Variants in SIL1 observed in about 807,000 individuals in gnomAD.
SIL1 encodes the protein nucleotide exchange factor SIL1.
A neutral mutation model predicts 49.1 loss-of-function variants in SIL1; 40 were observed. The observed-to-expected ratio is 0.81, with a 90% confidence interval of 0.63 to 1.06. SIL1 has a LOEUF of 1.06. Ranked by LOEUF, SIL1 falls within the 50% of genes least tolerant of loss-of-function variation. SIL1 has a pLI of 0.00. For synonymous variants in SIL1, 253 were observed against 250.8 expected, an observed-to-expected ratio of 1.01 and a Z score of -0.08; for missense variants, 500 against 572.6, an observed-to-expected ratio of 0.87 and a Z score of 1.29.
chr5:138,994,915 T>A (rs1011790555), intron 7 of SIL1, among the ~76,000 whole-genome samples: 3 of 152,196 alleles, frequency 2.0e-5, no homozygotes, highest in Non-Finnish European at 2.9e-5. Context: ...CCTGTGTCCA[T>A]GTGTTCTCAT....
intron 7 of SIL1, among the ~76,000 whole-genome samples, chr5:138,956,758 ATACAAT>A (rs1450843056): frequency 6.6e-6 from 1 of 151,110 alleles, no homozygotes; most frequent in Non-Finnish European, 1.5e-5. Flanking sequence ...AAAAAAAAAG[ATACAAT>A]TACCGAATTG....
intron 7 of SIL1, among the ~76,000 whole-genome samples, chr5:138,977,623 G>C (rs542448766): frequency 6.6e-6 from 1 of 152,266 alleles, no homozygotes; most frequent in South Asian, 2.1e-4. Context: ...TTACAGGTGT[G>C]AGCCACTGAG....
intron 1 of SIL1, among the ~76,000 whole-genome samples, chr5:139,188,939 A>G (rs1186782193): frequency 2.0e-5 from 3 of 152,222 alleles, no homozygotes; most frequent in Non-Finnish European, 1.5e-5. Flanking sequence ...ATGGCAGAGA[A>G]GCAGCAAAGT....
chr5:139,185,381 C>T (rs34679278), intron 1 of SIL1, among the ~76,000 whole-genome samples: 53,280 of 152,030 alleles, frequency 0.35, 11,660 homozygotes, highest in South Asian at 0.51. Flanking sequence ...GTATAGCTCA[C>T]ATTTATCTCA....
chr5:138,958,833 G>A (rs10054906), intron 7 of SIL1, among the ~76,000 whole-genome samples: 17,018 of 151,872 alleles, frequency 0.11, 3,073 homozygotes, highest in African/African-American at 0.38. Context: ...TCAAACTCCT[G>A]TCTTTATTTT....
intron 7 of SIL1, among the ~76,000 whole-genome samples, chr5:138,985,433 C>A (rs185483552): frequency 6.6e-6 from 1 of 152,304 alleles, no homozygotes; most frequent in Non-Finnish European, 1.5e-5. Context: ...TGACTCACGG[C>A]AGCTCAAAAT....
At position 138,947,337 on chromosome 5, in the gene SIL1, G is replaced by A; in HGVS notation, c.1166C>T (p.Pro389Leu). ...CACCTTCTCACGGGCATCATGCTCGGGCAGCGCCAGGAGGTGGGCCGTGAT... is the reference window on the plus strand; with the variant it reads ...CACCTTCTCACGGGCATCATGCTCGAGCAGCGCCAGGAGGTGGGCCGTGAT... ...CEITAHLLAL[P>L]EHDAREKVLQ... Residue 389 changes from proline (P) to leucine (L), a missense_variant, in exon 10 of 10, where the codon CCC (proline) becomes CTC (leucine). Transcript: ENST00000394817. The surrounding 1 kb of genome is among the most constrained non-coding windows in gnomAD (Gnocchi z 4.1). 6.2e-7 allele frequency: 1 copy of A among 1,613,598 alleles called. No homozygotes were observed. The highest frequency in any genetic ancestry group is 8.5e-7 in the Non-Finnish European group (1 of 1,180,030).
At chr5:139,128,026 G>T in intron 1 of SIL1, 173 bp from the exon 2 acceptor site, 1 of 640,044 alleles carries the variant, frequency 1.6e-6, no homozygotes, top group Non-Finnish European at 2.9e-6. Flanking sequence ...ACCATGGTGG[G>T]TCCAGCCATC....
intron 3 of SIL1, among the ~76,000 whole-genome samples, chr5:139,051,444 C>T (rs571018270): frequency 6.6e-6 from 1 of 152,280 alleles, no homozygotes; most frequent in South Asian, 2.1e-4. Context: ...TTCCATGACA[C>T]CCTTCCTGCC....
chr5:139,139,203 T>C (rs1215142323), intron 1 of SIL1, among the ~76,000 whole-genome samples: 1 of 152,164 alleles, frequency 6.6e-6, no homozygotes, highest in Non-Finnish European at 1.5e-5. Flanking sequence ...CCTTTTAAAA[T>C]AGTAACTGGA....
chr5:139,179,466 A>G (rs1216958977), intron 1 of SIL1, among the ~76,000 whole-genome samples: 2 of 152,320 alleles, frequency 1.3e-5, no homozygotes, highest in East Asian at 1.9e-4. Context: ...CAGAAAAGCA[A>G]TATCAGCAAC....
chr5:139,131,329 C>A (rs1750858653), intron 1 of SIL1, among the ~76,000 whole-genome samples: 1 of 152,162 alleles, frequency 6.6e-6, no homozygotes, highest in South Asian at 2.1e-4. Context: ...CCCTGCTTCA[C>A]CTTAACAAAT....
chr5:138,990,157 T>G (rs990006283), intron 7 of SIL1, among the ~76,000 whole-genome samples: 1 of 152,192 alleles, frequency 6.6e-6, no homozygotes, highest in Non-Finnish European at 1.5e-5. Flanking sequence ...AATCTTTGTA[T>G]CCAACCCAAT....
chr5:139,021,376 A>C (rs1768523864), intron 6 of SIL1, 84 bp from the exon 7 acceptor site: 1 of 1,564,072 alleles, frequency 6.4e-7, no homozygotes, highest in Non-Finnish European at 8.7e-7. Context: ...GTGACTACCC[A>C]AAAACAAATT....
At chr5:139,014,562 C>T (rs1340967516) in intron 7 of SIL1, among the ~76,000 whole-genome samples, 1 of 152,078 alleles carries the variant, frequency 6.6e-6, no homozygotes, top group Non-Finnish European at 1.5e-5. Context: ...CAAATTCAAG[C>T]GAAATGCTGA....
chr5:138,970,479 C>T (rs114034468), intron 7 of SIL1, among the ~76,000 whole-genome samples: 14 of 152,268 alleles, frequency 9.2e-5, no homozygotes, highest in African/African-American at 3.1e-4. Flanking sequence ...ATTTGAATTC[C>T]TTTGAATTCC....
At chr5:139,041,681 G>A (rs746049702) in intron 5 of SIL1, among the ~76,000 whole-genome samples, 1 of 152,176 alleles carries the variant, frequency 6.6e-6, no homozygotes, top group East Asian at 1.9e-4. Context: ...GCAAGCACCT[G>A]TAATCCCAGC....
chr5:139,122,719 C>T (rs1285084859), intron 2 of SIL1, among the ~76,000 whole-genome samples: 1 of 152,046 alleles, frequency 6.6e-6, no homozygotes, highest in Non-Finnish European at 1.5e-5. Flanking sequence ...AATGTAGAGC[C>T]CCTCCAAGAA....
intron 3 of SIL1, among the ~76,000 whole-genome samples, chr5:139,081,132 G>A (rs571799114): frequency 6.6e-6 from 1 of 152,356 alleles, no homozygotes; most frequent in South Asian, 2.1e-4. Context: ...TCAAGGGAAG[G>A]GAAGTGGGTG....
Sources: allele counts gnomAD v4.1 joint callset (sites outside exome capture counted in the v4.1 genomes callset), GRCh38; gene constraint gnomAD v4.1.1; non-coding constraint Gnocchi (gnomAD v3.1); transcripts MANE v1.5; gene names NCBI Gene and HGNC (gene_info 2026-07-23, HGNC 2026-07-21).